PCDH9: variants seen among roughly 807,000 people sequenced by gnomAD.
PCDH9 encodes the protein protocadherin-9.
A neutral mutation model predicts 70.6 loss-of-function variants in PCDH9; 24 were observed. The observed-to-expected ratio is 0.34, with a 90% confidence interval of 0.25 to 0.48. The LOEUF (loss-of-function observed/expected upper bound fraction) is 0.48. PCDH9 is among the 20% of genes least tolerant of loss of function. The pLI, the probability that PCDH9 is intolerant of heterozygous loss-of-function variation, is 0.99. For synonymous variants in PCDH9, 562 were observed against 558.5 expected, an observed-to-expected ratio of 1.01 and a Z score of -0.09; for missense variants, 1,281 against 1,503.6, an observed-to-expected ratio of 0.85 and a Z score of 2.45.
At chr13:66,586,002 C>T (rs1471694456) in intron 4 of PCDH9, among the ~76,000 whole-genome samples, 2 of 152,122 alleles carry the variant, frequency 1.3e-5, no homozygotes, top group Non-Finnish European at 2.9e-5. Context: ...GTGAGATAAG[C>T]TTGCTCCATT....
chr13:66,570,106 C>T (rs1235589381), intron 4 of PCDH9, among the ~76,000 whole-genome samples: 2 of 152,094 alleles, frequency 1.3e-5, no homozygotes, highest in African/African-American at 4.8e-5. Flanking sequence ...ATACATTCAA[C>T]CACTTGGACA....
chr13:66,983,939 T>A (rs1477661832), intron 2 of PCDH9, among the ~76,000 whole-genome samples: 2 of 151,982 alleles, frequency 1.3e-5, no homozygotes, highest in Admixed American at 1.3e-4. Context: ...ATGAAAAATA[T>A]TTTATTCTAT....
chr13:66,915,780 A>G lies in PCDH9; in HGVS notation c.3037-12175T>C, dbSNP rs540485061. On this transcript the variant is annotated intron_variant, in intron 2 of 4. Coordinates refer to ENST00000377865, the MANE Select transcript of PCDH9 (RefSeq NM_203487.3). ...CAGGAAATCAGTGTAAATATGATTCATCCTCTTGACACTGAGCTCAGTAGC... is the reference window on the plus strand; with the variant it reads ...CAGGAAATCAGTGTAAATATGATTCGTCCTCTTGACACTGAGCTCAGTAGC... 1.2e-4 allele frequency among the ~76,000 whole-genome samples: 18 copies of G among 151,820 alleles called. No individual in the cohort carries two copies. In the South Asian group the frequency reaches 2.5e-3, roughly 21 times the overall value.
intron 3 of PCDH9, among the ~76,000 whole-genome samples, chr13:66,779,966 G>A (rs918854865): frequency 1.3e-5 from 2 of 148,864 alleles, no homozygotes; most frequent in South Asian, 4.3e-4. Flanking sequence ...GGAGAAATAG[G>A]GTGATATAGG....
At chr13:66,635,743 T>C (rs757412770) in intron 3 of PCDH9, among the ~76,000 whole-genome samples, 13 of 152,146 alleles carry the variant, frequency 8.5e-5, no homozygotes, top group Non-Finnish European at 1.0e-4. Flanking sequence ...TGGTATACAA[T>C]AGCATTCACA....
intron 4 of PCDH9, among the ~76,000 whole-genome samples, chr13:66,373,535 A>C (rs1956695966): frequency 6.6e-6 from 1 of 152,044 alleles, no homozygotes; most frequent in Non-Finnish European, 1.5e-5. Flanking sequence ...TTAAAAAAGA[A>C]AAGGAAAGAA....
chr13:66,952,226 A>C (rs975210463), intron 2 of PCDH9, among the ~76,000 whole-genome samples: 3 of 152,164 alleles, frequency 2.0e-5, no homozygotes, highest in Admixed American at 1.3e-4. Flanking sequence ...TGTGGAAGGC[A>C]CCTTGGGTAG....
At position 66,874,942 on chromosome 13, in the gene PCDH9, T is replaced by TGTGAGA. The variant is rs533672911; in HGVS notation, c.3138+28561_3138+28562insTCTCAC. On this transcript the variant is annotated intron_variant, in intron 3 of 4. Coordinates refer to ENST00000377865, the MANE Select transcript of PCDH9 (RefSeq NM_203487.3). Reference sequence around the variant, plus strand: ...GTGTGTGTGTGTGTGTGTGTGTGTGTGAGAGAGAGAGAGAGAGAGAGACAG... The same window carrying TGTGAGA: ...GTGTGTGTGTGTGTGTGTGTGTGTGTGTGAGAGAGAGAGAGAGAGAGAGAGAGACAG... 1.0e-4 allele frequency among the ~76,000 whole-genome samples: 11 copies of TGTGAGA among 110,024 alleles called. No individual in the cohort carries two copies. The East Asian group carries it at 1.5e-3, about 15-fold the overall frequency. 72.2% of individuals were successfully genotyped at this position (110,024 alleles called of 152,430 possible).
chr13:66,834,671 GA>G (rs2080985939), intron 3 of PCDH9, among the ~76,000 whole-genome samples: 1 of 152,136 alleles, frequency 6.6e-6, no homozygotes, highest in Admixed American at 6.5e-5. Flanking sequence ...GCACATTGGG[GA>G]ATCTAAAAAT....
intron 4 of PCDH9, among the ~76,000 whole-genome samples, chr13:66,373,158 A>G (rs996803882): frequency 1.3e-5 from 2 of 152,030 alleles, no homozygotes; most frequent in Admixed American, 6.6e-5. Flanking sequence ...TTTAGCCACA[A>G]CAGGGAAGGA....
intron 3 of PCDH9, among the ~76,000 whole-genome samples, chr13:66,798,790 A>G (rs1157479832): frequency 6.8e-6 from 1 of 148,090 alleles, no homozygotes; most frequent in Non-Finnish European, 1.5e-5. Context: ...GAAATATTTG[A>G]CTATATGATG....
intron 2 of PCDH9, among the ~76,000 whole-genome samples, chr13:67,034,347 A>G (rs1594420397): frequency 6.6e-6 from 1 of 152,230 alleles, no homozygotes; most frequent in Admixed American, 6.5e-5. Flanking sequence ...TGTATTATAC[A>G]TTATTTAATG....
intron 3 of PCDH9, among the ~76,000 whole-genome samples, chr13:66,678,733 T>G (rs906751260): frequency 6.6e-6 from 1 of 151,894 alleles, no homozygotes; most frequent in Non-Finnish European, 1.5e-5. Flanking sequence ...CTGTTGATAT[T>G]GGTGTAAGAA....
intron 2 of PCDH9, among the ~76,000 whole-genome samples, chr13:67,011,276 C>T (rs1375746307): frequency 3.3e-5 from 5 of 151,962 alleles, no homozygotes; most frequent in Non-Finnish European, 7.4e-5. Flanking sequence ...TGTCTATATC[C>T]TGCATTTATA....
intron 3 of PCDH9, among the ~76,000 whole-genome samples, chr13:66,712,254 T>A (rs1328277068): frequency 6.6e-6 from 1 of 152,170 alleles, no homozygotes; most frequent in African/African-American, 2.4e-5. Flanking sequence ...ATTTATATGA[T>A]GTAATAGATT....
intron 4 of PCDH9, among the ~76,000 whole-genome samples, chr13:66,518,768 C>T (rs1959857731): frequency 6.6e-6 from 1 of 152,108 alleles, no homozygotes; most frequent in African/African-American, 2.4e-5. Flanking sequence ...AATGCCTGGA[C>T]CGCAGTGCTG....
chr13:66,702,096 A>T (rs185233167), intron 3 of PCDH9, among the ~76,000 whole-genome samples: 267 of 152,334 alleles, frequency 1.8e-3, no homozygotes, highest in African/African-American at 6.1e-3. Context: ...AAATAGCAAA[A>T]TAGGCAATAC....
intron 2 of PCDH9, among the ~76,000 whole-genome samples, chr13:67,150,661 A>C (rs1225870498): frequency 6.6e-6 from 1 of 152,226 alleles, no homozygotes; most frequent in Non-Finnish European, 1.5e-5. Flanking sequence ...AGAAGTGAGA[A>C]CAATAATTTC....
intron 4 of PCDH9, among the ~76,000 whole-genome samples, chr13:66,586,336 A>T (rs2076962674): frequency 6.6e-6 from 1 of 152,114 alleles, no homozygotes; most frequent in Non-Finnish European, 1.5e-5. Flanking sequence ...TTAATTATAG[A>T]TTGTTTATTT....
Sources: allele counts gnomAD v4.1 joint callset (sites outside exome capture counted in the v4.1 genomes callset), GRCh38; gene constraint gnomAD v4.1.1; transcripts MANE v1.5; gene names NCBI Gene and HGNC (gene_info 2026-07-23, HGNC 2026-07-21).